Variants in ITSN1 observed in about 807,000 individuals in gnomAD.
ITSN1 encodes intersectin 1.
ITSN1 carries 58 observed loss-of-function variants against 239.8 expected under a neutral mutation model. The ratio of observed to expected loss-of-function variants is 0.24; its 90% CI spans 0.20 to 0.30. The LOEUF is 0.30. Ranked by LOEUF, ITSN1 falls within the 10% of genes least tolerant of loss-of-function variation. The pLI is 1.00. For missense variants in ITSN1, 1,558 were observed against 2,103.3 expected, an observed-to-expected ratio of 0.74 and a Z score of 5.07; for synonymous variants, 780 against 770.8, an observed-to-expected ratio of 1.01 and a Z score of -0.20.
intron 1 of ITSN1, among the ~76,000 whole-genome samples, chr21:33,670,315 A>G (rs1261064024): frequency 6.6e-6 from 1 of 152,184 alleles, no homozygotes; most frequent in Non-Finnish European, 1.5e-5. Flanking sequence ...TGATTATGTC[A>G]TGACACTCTA....
At position 33,865,289 on chromosome 21, in the gene ITSN1, C is replaced by A; in HGVS notation, c.4029C>A (p.Ile1343=). The A allele has an allele frequency of 6.3e-7, 1 of 1,597,792 alleles. No individual in the cohort carries two copies. The highest frequency in any genetic ancestry group is 1.7e-5 in the Admixed American group (1 of 57,398). ...CSRQLNGAAL[I]QQKTDEAPDF... The stretch of plus-strand genomic sequence containing the variant: ...GCCAGCTCAACGGGGCTGCCCTGAT[C>A]CAGCAGAAGACGGATGAGGCCCCAG... Residue 1343 remains isoleucine (I), a synonymous_variant, in exon 32 of 40, where the codon ATC becomes ATA. Coordinates refer to ENST00000381318, the MANE Select transcript of ITSN1 (RefSeq NM_003024.3). The surrounding 1 kb of genome is among the most constrained non-coding windows in gnomAD (Gnocchi z 4.4).
rs112874298 is a variant in ITSN1 at position 33,782,547 on chromosome 21, A to G, written c.1824+414A>G. Among the ~76,000 whole-genome samples, 267 of 152,256 alleles carry G rather than the reference A, an allele frequency of 1.8e-3. 2 individuals are homozygous for G. The highest frequency in any genetic ancestry group is 6.1e-3 in the African/African-American group (252 of 41,554). ...CTTTATTTTGTTACCTCATTTTTAA[A>G]TCTTACTGTTTTAGTGGAGTAATTG... is the stretch of plus-strand genomic sequence containing the variant. On this transcript the variant is annotated intron_variant, in intron 16 of 39. Coordinates refer to ENST00000381318, the MANE Select transcript of ITSN1 (RefSeq NM_003024.3).
At chr21:33,704,452 A>T (rs958514844) in intron 1 of ITSN1, among the ~76,000 whole-genome samples, 1 of 152,196 alleles carries the variant, frequency 6.6e-6, no homozygotes, top group African/African-American at 2.4e-5. Context: ...TATTCCTAAA[A>T]GTATGAGGTT....
At chr21:33,717,151 T>A (rs1046408293) in intron 1 of ITSN1, among the ~76,000 whole-genome samples, 1 of 152,042 alleles carries the variant, frequency 6.6e-6, no homozygotes, top group African/African-American at 2.4e-5. Context: ...TAATTTAAAT[T>A]TAAGATTTTA....
intron 14 of ITSN1, among the ~76,000 whole-genome samples, chr21:33,776,418 TG>T (rs1222212543): frequency 2.0e-5 from 3 of 148,508 alleles, no homozygotes; most frequent in African/African-American, 7.4e-5. Flanking sequence ...AAAAATTAGC[TG>T]GCATGGGGGC....
At chr21:33,746,307 T>C (rs967850841) in intron 5 of ITSN1, among the ~76,000 whole-genome samples, 2 of 151,990 alleles carry the variant, frequency 1.3e-5, no homozygotes, top group African/African-American at 4.8e-5. Flanking sequence ...CATTAAAAAA[T>C]AACAGGAAAG....
chr21:33,830,010 CAT>C (rs1416242260), intron 27 of ITSN1, among the ~76,000 whole-genome samples: 1 of 152,174 alleles, frequency 6.6e-6, no homozygotes, highest in Non-Finnish European at 1.5e-5. Flanking sequence ...AGTGAGAACT[CAT>C]ATGACGAGGG....
intron 22 of ITSN1, chr21:33,817,317 C>T (rs1336990782): frequency 1.5e-6 from 2 of 1,304,294 alleles, no homozygotes; most frequent in African/African-American, 3.0e-5. Flanking sequence ...TGCAGTGTTC[C>T]ACCTCGAGGC....
chr21:33,739,973 C>G (rs576745061), intron 5 of ITSN1, among the ~76,000 whole-genome samples: 4 of 152,036 alleles, frequency 2.6e-5, no homozygotes. Flanking sequence ...TGGTGATAAT[C>G]AATGTGGAGG....
In ITSN1 at chr21:33,894,287, C is replaced by G. The variant is rs746476206; in HGVS notation, c.*5987C>G. ...CAATCAGTTCCTCCATTCAAAGGAACCCTCTTTACCCTGGCCCTGGGGGAG... is the reference window on the plus strand; with the variant it reads ...CAATCAGTTCCTCCATTCAAAGGAAGCCTCTTTACCCTGGCCCTGGGGGAG... On this transcript the variant is annotated 3_prime_UTR_variant, in exon 40 of 40. Coordinates refer to ENST00000381318, the MANE Select transcript of ITSN1 (RefSeq NM_003024.3). The G allele has an allele frequency of 6.6e-6, 1 of 152,192 alleles. No homozygotes were observed. Among genetic ancestry groups the G allele is most frequent in the Non-Finnish European group, 1.5e-5 (1 of 68,044 alleles). The allele number at this position is 152,192 out of a possible 1,614,324, so 9.4% of individuals were successfully genotyped here. A position where few individuals can be genotyped will look rare whatever the true frequency, so the allele number is the denominator to read the frequency against.
intron 5 of ITSN1, among the ~76,000 whole-genome samples, chr21:33,736,609 G>C (rs925521248): frequency 2.6e-5 from 4 of 152,220 alleles, no homozygotes; most frequent in Non-Finnish European, 4.4e-5. Flanking sequence ...TAGTTAACCA[G>C]CTAATTTAAG....
intron 29 of ITSN1, among the ~76,000 whole-genome samples, chr21:33,853,771 C>A (rs545998074): frequency 5.6e-4 from 86 of 152,320 alleles, no homozygotes; most frequent in African/African-American, 1.9e-3. Context: ...GCCAGCCTGC[C>A]AGATTCCACT....
At chr21:33,773,694 T>C (rs1015187166) in intron 12 of ITSN1, among the ~76,000 whole-genome samples, 1 of 152,046 alleles carries the variant, frequency 6.6e-6, no homozygotes, top group Non-Finnish European at 1.5e-5. Context: ...CTTTTTTTTT[T>C]TTTGAGACAG....
chr21:33,746,036 G>A (rs527885511), intron 5 of ITSN1, among the ~76,000 whole-genome samples: 24 of 152,280 alleles, frequency 1.6e-4, no homozygotes, highest in African/African-American at 5.1e-4. Flanking sequence ...CACAACTTCC[G>A]TCCCATCATT....
chr21:33,775,196 A>T, intron 14 of ITSN1, 88 bp downstream of exon 14: 2 of 1,397,196 alleles, frequency 1.4e-6, no homozygotes, highest in Non-Finnish European at 2.0e-6. Flanking sequence ...TTCAGTAAAC[A>T]TTAAGCAACT....
At chr21:33,711,467 A>T (rs949020069) in intron 1 of ITSN1, among the ~76,000 whole-genome samples, 2 of 151,774 alleles carry the variant, frequency 1.3e-5, no homozygotes, top group African/African-American at 4.8e-5. Context: ...TGTTTAGATT[A>T]CTAACATTTA....
intron 1 of ITSN1, among the ~76,000 whole-genome samples, chr21:33,692,919 G>C (rs1036350342): frequency 1.3e-5 from 2 of 152,026 alleles, no homozygotes; most frequent in Non-Finnish European, 2.9e-5. Context: ...ACAGGGGCAT[G>C]CCAACATGCC....
intron 11 of ITSN1, among the ~76,000 whole-genome samples, chr21:33,771,738 AAG>A (rs1296054929): frequency 6.6e-6 from 1 of 152,118 alleles, no homozygotes; most frequent in Non-Finnish European, 1.5e-5. Flanking sequence ...CATGGTCCAG[AAG>A]AGAGGGGGTT....
In ITSN1 at chr21:33,687,235, GA is replaced by G. The variant is rs34401325; in HGVS notation, c.-32-31549del. On this transcript the variant is annotated intron_variant, in intron 1 of 39. Coordinates refer to ENST00000381318, the MANE Select transcript of ITSN1 (RefSeq NM_003024.3). ...GACAGAGCGAGACTCTGTCTCAAAA[GA>G]AAAAAAAAAAAATTATTTGGGCTTG... is the stretch of plus-strand genomic sequence containing the variant. Among the ~76,000 whole-genome samples the G allele has an allele frequency of 5.8e-3, 803 of 139,420 alleles. 4 individuals are homozygous for G. The highest frequency in any genetic ancestry group is 0.016 in the African/African-American group (610 of 38,196). 91.5% of individuals were successfully genotyped at this position (139,420 alleles called of 152,430 possible).
Sources: gnomAD v4.1 joint callset for allele counts (sites outside exome capture counted in the v4.1 genomes callset) on GRCh38, gnomAD v4.1.1 for gene constraint, Gnocchi (gnomAD v3.1) non-coding constraint, MANE v1.5 for transcripts, NCBI Gene and HGNC (gene_info 2026-07-23, HGNC 2026-07-21) for gene names.